The following MAP3K21 variants were observed in gnomAD, a reference collection of about 807,000 sequenced individuals.
The protein encoded by MAP3K21 is mitogen-activated protein kinase kinase kinase MLK4.
Under a neutral mutation model 86.1 loss-of-function variants are expected in MAP3K21, and 63 were observed. The observed-to-expected ratio is 0.73, with a 90% CI of 0.60 to 0.90. The LOEUF (loss-of-function observed/expected upper bound fraction) is 0.90. Ranked by LOEUF, MAP3K21 falls within the 40% of genes least tolerant of loss-of-function variation. MAP3K21 has a pLI of 0.00. For synonymous variants in MAP3K21, 558 were observed against 564.8 expected, an observed-to-expected ratio of 0.99 and a Z score of 0.17; for missense variants, 1,220 against 1,367.7, an observed-to-expected ratio of 0.89 and a Z score of 1.70.
Position 233,384,306 on chromosome 1 carries a change from T to G in MAP3K21, c.*1595T>G, listed in dbSNP as rs560863350. 6.6e-6 allele frequency: 1 copy of G among 152,212 alleles called. No homozygotes were observed. Among genetic ancestry groups the G allele is most frequent in the African/African-American group, 2.4e-5 (1 of 41,470 alleles). The allele number at this position is 152,212 out of a possible 1,614,324, so 9.4% of individuals were successfully genotyped here. On this transcript the variant is annotated 3_prime_UTR_variant, in exon 10 of 10. Transcript: ENST00000366624. ...TTGCCTAACAGGTATATCCAGCAGA[T>G]GAGAAACAGTATGAAAGGATTGTAT... is the stretch of plus-strand genomic sequence containing the variant.
intron 1 of MAP3K21, among the ~76,000 whole-genome samples, chr1:233,343,091 G>T (rs1045904835): frequency 2.0e-5 from 3 of 152,090 alleles, no homozygotes; most frequent in Non-Finnish European, 4.4e-5. Context: ...CCTAGTGTTG[G>T]TTTCCTCCAA....
intron 5 of MAP3K21, among the ~76,000 whole-genome samples, chr1:233,366,298 G>A (rs1663572684): frequency 6.6e-6 from 1 of 152,018 alleles, no homozygotes; most frequent in African/African-American, 2.4e-5. Context: ...GGTGAATATG[G>A]TTAACTGTAA....
At chr1:233,371,532 G>C (rs913950029) in intron 5 of MAP3K21, among the ~76,000 whole-genome samples, 1 of 151,962 alleles carries the variant, frequency 6.6e-6, no homozygotes, top group Non-Finnish European at 1.5e-5. Context: ...GCTAATTTTT[G>C]TGTTTTTAGT....
chr1:233,382,845 C>T lies in MAP3K21; in HGVS notation c.*134C>T. Reference sequence around the variant, plus strand: ...TGTTCCTAAATTAGTAAGATATATCCAGCTTCTCAAAAAATGTATATGATT... The same window carrying T: ...TGTTCCTAAATTAGTAAGATATATCTAGCTTCTCAAAAAATGTATATGATT... On this transcript the variant is annotated 3_prime_UTR_variant, in exon 10 of 10. Transcript: ENST00000366624. The T allele has an allele frequency of 1.4e-6, 1 of 726,826 alleles. No homozygotes were observed. Among genetic ancestry groups the T allele is most frequent in the Non-Finnish European group, 2.2e-6 (1 of 453,824 alleles). The allele number at this position is 726,826 out of a possible 1,614,324, so 45.0% of individuals were successfully genotyped here. A position where few individuals can be genotyped will look rare whatever the true frequency, so the allele number is the denominator to read the frequency against.
chr1:233,345,115 C>G (rs938990973), intron 1 of MAP3K21, among the ~76,000 whole-genome samples: 4 of 152,152 alleles, frequency 2.6e-5, no homozygotes, highest in African/African-American at 9.7e-5. Context: ...GAAATAGTAA[C>G]GGTTTTACAC....
intron 1 of MAP3K21, among the ~76,000 whole-genome samples, chr1:233,339,914 C>A (rs1181589502): frequency 6.6e-6 from 1 of 152,170 alleles, no homozygotes; most frequent in Non-Finnish European, 1.5e-5. Flanking sequence ...TCTTCATATT[C>A]ATTCTTCCCT....
At position 233,362,206 on chromosome 1, in the gene MAP3K21, G is replaced by A; in HGVS notation, c.1465G>A (p.Glu489Lys). ...CATTCTGATATTCCAGCTAAACCAG[G>A]AGAAGCCCAAGGTAAAGAAGAGGAA... is the stretch of plus-strand genomic sequence containing the variant. The part of the protein sequence containing the change: ...LNILIFQLNQ[E>K]KPKVKKRKGK... Residue 489 changes from glutamate to lysine, a missense_variant, in exon 5 of 10, where the codon GAG becomes AAG. By Grantham distance (56) the Glu-to-Lys change is moderately conservative. Transcript: ENST00000366624. 2.5e-6 allele frequency: 4 copies of A among 1,614,242 alleles called. No individual in the cohort carries two copies. Among genetic ancestry groups the A allele is most frequent in the Non-Finnish European group, 3.4e-6 (4 of 1,180,056 alleles).
At position 233,379,573 on chromosome 1, in the gene MAP3K21, A is replaced by C. The variant is rs754416046; in HGVS notation, c.2567A>C (p.Asp856Ala). ...GREPALMPRL[D>A]TDCSVSRNLP... is the part of the protein sequence containing the mutation. ...GAGCCAGCCCTCATGCCAAGACTTG[A>C]CACTGATTGTAGTGTATCAAGAAAC... The change falls in exon 9 of 10, where the codon GAC (aspartate) becomes GCC (alanine). Residue 856 changes from aspartate to alanine, a missense_variant. Transcript: ENST00000366624. 2.5e-6 allele frequency: 4 copies of C among 1,614,178 alleles called. No homozygotes were observed. In the Middle Eastern group the frequency reaches 6.6e-4, roughly 266 times the overall value.
rs143312861 is a variant in MAP3K21, at chr1:233,377,206, T to C, written c.1924+679T>C. On this transcript the variant is annotated intron_variant, in intron 8 of 9. Transcript: ENST00000366624. The stretch of plus-strand genomic sequence containing the variant: ...TCATAATGATTTACTTTCAATATTC[T>C]ATATTTGTATTCAGTATTCAGTATT... Among the ~76,000 whole-genome samples the C allele has an allele frequency of 5.3e-3, 805 of 152,372 alleles. 2 individuals carry two copies. The highest frequency in any genetic ancestry group is 0.01 in the Middle Eastern group (3 of 294).
At chr1:233,369,328 T>A (rs1282269179) in intron 5 of MAP3K21, among the ~76,000 whole-genome samples, 1 of 151,750 alleles carries the variant, frequency 6.6e-6, no homozygotes, top group Admixed American at 6.6e-5. Flanking sequence ...AGGTGGAGGT[T>A]GCAGTGCACT....
In MAP3K21 at chr1:233,384,480, T is replaced by C. The variant is rs1422453222; in HGVS notation, c.*1769T>C. 6.6e-6 allele frequency: 1 copy of C among 152,236 alleles called. No individual in the cohort carries two copies. Among genetic ancestry groups the C allele is most frequent in the African/African-American group, 2.4e-5 (1 of 41,464 alleles). 9.4% of individuals were successfully genotyped at this position (152,236 alleles called of 1,614,324 possible). A position where few individuals can be genotyped will look rare whatever the true frequency, so the allele number is the denominator to read the frequency against. ...TGGTTATTGAATTATGTAACAGAGA[T>C]TTGGTTTTCCCAAAATGTTATCACA... is the stretch of plus-strand genomic sequence containing the variant. On this transcript the variant is annotated 3_prime_UTR_variant, in exon 10 of 10. Coordinates refer to ENST00000366624, the MANE Select transcript of MAP3K21 (RefSeq NM_032435.3).
intron 4 of MAP3K21, among the ~76,000 whole-genome samples, chr1:233,356,905 A>C (rs986626716): frequency 1.3e-5 from 2 of 152,194 alleles, no homozygotes; most frequent in Non-Finnish European, 2.9e-5. Context: ...CACATCTCCA[A>C]ACTTTGAAAT....
intron 1 of MAP3K21, among the ~76,000 whole-genome samples, chr1:233,337,627 T>G (rs1662942575): frequency 6.6e-6 from 1 of 152,180 alleles, no homozygotes; most frequent in African/African-American, 2.4e-5. Flanking sequence ...TTGGCTAACT[T>G]GGGTGATTCC....
chr1:233,336,269 G>A (rs1662908699), intron 1 of MAP3K21, among the ~76,000 whole-genome samples: 1 of 152,158 alleles, frequency 6.6e-6, no homozygotes, highest in African/African-American at 2.4e-5. Context: ...GGCTGCGTAT[G>A]GTGGCTCACA....
chr1:233,329,460 C>A (rs1662770078), intron 1 of MAP3K21, among the ~76,000 whole-genome samples: 1 of 152,130 alleles, frequency 6.6e-6, no homozygotes, highest in Non-Finnish European at 1.5e-5. Flanking sequence ...TTGAGACCAG[C>A]CTGGCCAACA....
intron 2 of MAP3K21, among the ~76,000 whole-genome samples, chr1:233,352,490 G>A (rs1663268704): frequency 6.6e-6 from 1 of 151,894 alleles, no homozygotes; most frequent in Admixed American, 6.6e-5. Flanking sequence ...GAGTGCAGTG[G>A]CGTGATCTCG....
chr1:233,328,422 G>A lies in MAP3K21; in HGVS notation c.394G>A (p.Ala132Thr). The change falls in exon 1 of 10, where the codon GCT becomes ACT. Residue 132 changes from alanine to threonine, a missense_variant. By Grantham distance (58) the Ala-to-Thr change is moderately conservative. Around this residue, in one of 5 missense-constraint regions of MAP3K21, gnomAD observed 369 missense variants for 385.3 expected, o/e 0.96. Transcript: ENST00000366624. The surrounding 1 kb of genome is among the most constrained non-coding windows in gnomAD (Gnocchi z 8.7). ...ERLELKELIGAGGFGQVYRAT... is the reference protein window; with the variant it reads ...ERLELKELIGTGGFGQVYRAT... ...GCTGGAGCTGAAGGAGCTCATCGGC[G>A]CTGGGGGCTTCGGGCAGGTGTACCG... is the stretch of plus-strand genomic sequence containing the variant. The A allele has an allele frequency of 6.7e-7, 1 of 1,494,036 alleles. No individual in the cohort carries two copies. The highest frequency in any genetic ancestry group is 1.3e-5 in the South Asian group (1 of 79,796). The allele number at this position is 1,494,036 out of a possible 1,614,324, so 92.5% of individuals were successfully genotyped here.
chr1:233,346,821 G>T (rs112171462), intron 2 of MAP3K21, among the ~76,000 whole-genome samples, 199 bp downstream of exon 2: 2,072 of 152,222 alleles, frequency 0.014, 50 homozygotes, highest in African/African-American at 0.047. Flanking sequence ...CCATTTCAGA[G>T]GAGAACTTTC....
chr1:233,344,791 G>A (rs1438732419), intron 1 of MAP3K21, among the ~76,000 whole-genome samples: 2 of 152,166 alleles, frequency 1.3e-5, no homozygotes, highest in Non-Finnish European at 2.9e-5. Context: ...AGAGTGAACA[G>A]ACAACCTACA....
Sources: gnomAD v4.1 joint callset for allele counts (sites outside exome capture counted in the v4.1 genomes callset) on GRCh38, gnomAD v4.1.1 for gene constraint, gnomAD v4.1.1 regional missense constraint, Gnocchi (gnomAD v3.1) non-coding constraint, MANE v1.5 for transcripts, NCBI Gene and HGNC (gene_info 2026-07-23, HGNC 2026-07-21) for gene names.